SLCO5A1: variants seen among roughly 807,000 people sequenced by gnomAD.
The protein encoded by SLCO5A1 is organic anion transporter polypeptide-related protein 4.
A neutral mutation model predicts 65.1 loss-of-function variants in SLCO5A1; 39 were observed. The observed-to-expected ratio is 0.60, with a 90% confidence interval of 0.46 to 0.78. The LOEUF is 0.78. Ranked by LOEUF, SLCO5A1 falls within the 30% of genes least tolerant of loss-of-function variation. SLCO5A1 has a pLI of 0.00. For synonymous variants in SLCO5A1, 438 were observed against 415.7 expected (o/e 1.05, Z -0.65); for missense variants, 1,029 against 1,069.4 (o/e 0.96, Z 0.53).
intron 5 of SLCO5A1, among the ~76,000 whole-genome samples, chr8:69,736,589 A>C (rs1816571747): frequency 6.6e-6 from 1 of 152,168 alleles, no homozygotes; most frequent in South Asian, 2.1e-4. Flanking sequence ...CCTCTAAAAA[A>C]ATCAGGTTTC....
At chr8:69,679,216 A>G (rs141938944) in intron 8 of SLCO5A1, among the ~76,000 whole-genome samples, 162 bp downstream of exon 8, 107 of 152,358 alleles carry the variant, frequency 7.0e-4, no homozygotes, top group African/African-American at 2.3e-3. Flanking sequence ...CCCAACAGGG[A>G]AAAATCCCTC....
At chr8:69,821,102 A>G (rs1174139532) in intron 2 of SLCO5A1, among the ~76,000 whole-genome samples, 1 of 152,198 alleles carries the variant, frequency 6.6e-6, no homozygotes, top group East Asian at 1.9e-4. Flanking sequence ...AGACATATAT[A>G]CACATATATA....
chr8:69,799,884 G>T (rs1018344489), intron 2 of SLCO5A1, among the ~76,000 whole-genome samples: 1 of 151,912 alleles, frequency 6.6e-6, no homozygotes, highest in Non-Finnish European at 1.5e-5. Flanking sequence ...ATTTGGGTGG[G>T]GACACAGCCA....
chr8:69,795,738 G>A (rs1586809121), intron 2 of SLCO5A1, among the ~76,000 whole-genome samples: 1 of 152,182 alleles, frequency 6.6e-6, no homozygotes, highest in Admixed American at 6.5e-5. Context: ...TTTGTGTGGG[G>A]GCTCCAACCC....
chr8:69,797,195 T>A (rs896790604), intron 2 of SLCO5A1, among the ~76,000 whole-genome samples: 4 of 152,204 alleles, frequency 2.6e-5, no homozygotes, highest in Admixed American at 6.5e-5. Flanking sequence ...TTTACTGCAA[T>A]CTCTGAACAT....
intron 2 of SLCO5A1, among the ~76,000 whole-genome samples, chr8:69,812,180 A>T (rs545387267): frequency 1.3e-5 from 2 of 152,340 alleles, no homozygotes; most frequent in Admixed American, 1.3e-4. Context: ...CTAGATTTTA[A>T]AGCCCTTGGG....
chr8:69,742,794 CTTTT>C (rs10633803), intron 4 of SLCO5A1, among the ~76,000 whole-genome samples: 1 of 83,190 alleles, frequency 1.2e-5, no homozygotes, highest in Non-Finnish European at 2.1e-5. Flanking sequence ...TGAGTGGATT[CTTTT>C]TTTTTTTTTT....
chr8:69,804,297 T>G (rs1263181590), intron 2 of SLCO5A1, among the ~76,000 whole-genome samples: 4 of 152,106 alleles, frequency 2.6e-5, no homozygotes, highest in Non-Finnish European at 5.9e-5. Flanking sequence ...CTTTTTGTAT[T>G]TCTTTTTTAT....
intron 2 of SLCO5A1, among the ~76,000 whole-genome samples, chr8:69,827,214 G>T (rs1820961402): frequency 6.6e-6 from 1 of 151,034 alleles, no homozygotes; most frequent in Admixed American, 6.6e-5. Flanking sequence ...GAGTTAATGG[G>T]TGCAGCACAC....
In SLCO5A1 at chr8:69,823,532, C is replaced by A. The variant is rs571364903; in HGVS notation, c.907+8235G>T. Reference sequence around the variant, plus strand: ...CAAAGATCAAAAGAGACAAAGAAGGCCATTACATAATGGTAAAGGGATCAA... The same window carrying A: ...CAAAGATCAAAAGAGACAAAGAAGGACATTACATAATGGTAAAGGGATCAA... On this transcript the variant is annotated intron_variant, in intron 2 of 9. Coordinates refer to ENST00000260126, the MANE Select transcript of SLCO5A1 (RefSeq NM_030958.3). Among the ~76,000 whole-genome samples, 654 of 152,140 alleles carry A rather than the reference C, an allele frequency of 4.3e-3. 5 individuals are homozygous for A. The highest frequency in any genetic ancestry group is 0.014 in the African/African-American group (582 of 41,496).
chr8:69,832,333 A>G lies in SLCO5A1; in HGVS notation c.341T>C (p.Leu114Pro), dbSNP rs747517021. The change falls in exon 2 of 10, where the codon CTC (leucine) becomes CCC (proline). Residue 114 changes from leucine to proline, a missense_variant. Around this residue, in one of 3 missense-constraint regions of SLCO5A1, gnomAD observed 647 missense variants for 647.5 expected, o/e 1.00. Coordinates refer to ENST00000260126, the MANE Select transcript of SLCO5A1 (RefSeq NM_030958.3). This position sits in a 1 kb window ranked among gnomAD's most constrained non-coding sequence, Gnocchi z 4.5. ...TFSVSSALAM[L>P]QERRCLYVVL... ...CACGTAGAGGCACCTTCTCTCCTGGAGCATGGCCAAGGCGGAGGACACCGA... is the reference window on the plus strand; with the variant it reads ...CACGTAGAGGCACCTTCTCTCCTGGGGCATGGCCAAGGCGGAGGACACCGA... 6.2e-7 allele frequency: 1 copy of G among 1,614,034 alleles called. No homozygotes were observed. The highest frequency in any genetic ancestry group is 1.7e-5 in the Admixed American group (1 of 60,010).
chr8:69,703,110 C>CAAAAAAA (rs34113730), intron 6 of SLCO5A1, among the ~76,000 whole-genome samples: 29 of 82,872 alleles, frequency 3.5e-4, no homozygotes, highest in African/African-American at 1.3e-3. Flanking sequence ...GACTCTGTTT[C>CAAAAAAA]AAAAAAAAAA....
At chr8:69,818,864 G>A (rs931691315) in intron 2 of SLCO5A1, among the ~76,000 whole-genome samples, 8 of 152,132 alleles carry the variant, frequency 5.3e-5, no homozygotes, top group African/African-American at 1.9e-4. Context: ...GATGCTCTGT[G>A]GTCTTCCACT....
intron 5 of SLCO5A1, among the ~76,000 whole-genome samples, chr8:69,735,414 C>G (rs1247403495): frequency 5.3e-5 from 8 of 152,130 alleles, no homozygotes; most frequent in Non-Finnish European, 8.8e-5. Context: ...GACATGGAAT[C>G]AACTCAAATG....
Position 69,831,801 on chromosome 8 carries a change from G to A in SLCO5A1, c.873C>T (p.Asp291=). The part of the protein sequence containing the change: ...IYTLGPTYLD[D]NVKKENSSLY... The stretch of plus-strand genomic sequence containing the variant: ...AGGAGGAGTTTTCTTTCTTGACATT[G>A]TCATCTAAGTAGGTTGGTCCCAGGG... The change falls in exon 2 of 10, where the codon GAC becomes GAT. Residue 291 remains aspartate, a synonymous_variant. Transcript: ENST00000260126. The A allele has an allele frequency of 6.2e-7, 1 of 1,614,072 alleles. No homozygotes were observed. The highest frequency in any genetic ancestry group is 8.5e-7 in the Non-Finnish European group (1 of 1,180,014).
chr8:69,685,335 C>A (rs1445227793), intron 6 of SLCO5A1, among the ~76,000 whole-genome samples: 3 of 152,194 alleles, frequency 2.0e-5, no homozygotes, highest in African/African-American at 7.2e-5. Context: ...TAAGCAATCT[C>A]TCATTAGCCT....
intron 2 of SLCO5A1, among the ~76,000 whole-genome samples, chr8:69,810,918 T>C (rs565386083): frequency 6.6e-6 from 1 of 152,150 alleles, no homozygotes; most frequent in African/African-American, 2.4e-5. Flanking sequence ...CCAAACACAG[T>C]ACACAGACAT....
chr8:69,684,467 T>A (rs966892829), intron 6 of SLCO5A1, among the ~76,000 whole-genome samples: 4 of 152,134 alleles, frequency 2.6e-5, no homozygotes, highest in Non-Finnish European at 4.4e-5. Flanking sequence ...CTTTGCTAAT[T>A]ATATGCTAAT....
chr8:69,725,521 A>G (rs938525470), intron 5 of SLCO5A1, among the ~76,000 whole-genome samples: 1 of 152,150 alleles, frequency 6.6e-6, no homozygotes, highest in Non-Finnish European at 1.5e-5. Flanking sequence ...AACTGCCAGG[A>G]AAAGGTATAG....
Sources: allele counts gnomAD v4.1 joint callset (sites outside exome capture counted in the v4.1 genomes callset), GRCh38; gene constraint gnomAD v4.1.1; regional missense constraint gnomAD v4.1.1; non-coding constraint Gnocchi (gnomAD v3.1); transcripts MANE v1.5; gene names NCBI Gene and HGNC (gene_info 2026-07-23, HGNC 2026-07-21).